The following NLRP1 variants were observed in gnomAD, a reference collection of about 807,000 sequenced individuals.
The protein encoded by NLRP1 is NLR family pyrin domain containing 1.
Under a neutral mutation model 136.7 loss-of-function variants are expected in NLRP1, and 94 were observed. The ratio of observed to expected loss-of-function variants is 0.69; its 90% CI spans 0.58 to 0.82. NLRP1 has a LOEUF of 0.82. Among genes scored for constraint, NLRP1 ranks in the 40% least tolerant of loss-of-function variants. The pLI, the probability that NLRP1 is intolerant of heterozygous loss-of-function variation, is 0.00. For missense variants in NLRP1, 1,575 were observed against 1,802.7 expected (o/e 0.87, Z 2.29); for synonymous variants, 690 against 725.1 (o/e 0.95, Z 0.78).
intron 3 of NLRP1, among the ~76,000 whole-genome samples, chr17:5,580,335 G>A (rs761654199): frequency 6.6e-6 from 1 of 152,074 alleles, no homozygotes; most frequent in Non-Finnish European, 1.5e-5. Flanking sequence ...TTACCTGGGC[G>A]ACAAGATAAT....
Position 5,515,192 on chromosome 17 carries a change from G to GTCC in NLRP1, c.4103-122_4103-120dup, listed in dbSNP as rs1479509857. ...CTTCTGCCTCCAGAAATGCACCTGT[G>GTCC]TCCTCCCTCATGGCAGCATCTAGCT... On this transcript the variant is annotated intron_variant, in intron 16 of 16. Coordinates refer to ENST00000572272, the MANE Select transcript of NLRP1 (RefSeq NM_033004.4). 1.4e-5 allele frequency: 14 copies of GTCC among 988,926 alleles called. No individual in the cohort carries two copies. In the South Asian group the frequency reaches 1.9e-4, roughly 13 times the overall value. The allele number at this position is 988,926 out of a possible 1,614,324, so 61.3% of individuals were successfully genotyped here.
Position 5,521,675 on chromosome 17 carries a change from C to T in NLRP1, c.3632G>A (p.Ser1211Asn), listed in dbSNP as rs79551629. Residue 1211 changes from serine to asparagine, a missense_variant, in exon 13 of 17, where the codon AGC becomes AAC. Ser to Asn is a conservative substitution (Grantham distance 46, BLOSUM62 1). Coordinates refer to ENST00000572272, the MANE Select transcript of NLRP1 (RefSeq NM_033004.4). ...CAGGAGGACTCCCAAGGGGGAGAAG[C>T]TGGGGTTTTCCAGAACTATGTGATG... ...ELHHIVLENP[S>N]FSPLGVLLKM... The T allele has an allele frequency of 1.2e-6, 2 of 1,613,932 alleles. No individual in the cohort carries two copies. The highest frequency in any genetic ancestry group is 1.7e-6 in the Non-Finnish European group (2 of 1,180,016).
At chr17:5,577,915 T>G (rs920903552) in intron 3 of NLRP1, among the ~76,000 whole-genome samples, 1 of 152,138 alleles carries the variant, frequency 6.6e-6, no homozygotes, top group Non-Finnish European at 1.5e-5. Context: ...AACAGAGATA[T>G]AGACCAATGG....
At chr17:5,567,632 G>A (rs1291247266) in intron 3 of NLRP1, among the ~76,000 whole-genome samples, 2 of 151,980 alleles carry the variant, frequency 1.3e-5, no homozygotes, top group African/African-American at 4.8e-5. Context: ...AATATTCTGT[G>A]TTTTTCGGTG....
Position 5,541,222 on chromosome 17 carries a change from T to C in NLRP1, c.2699+635A>G, listed in dbSNP as rs1911824609. ...CATCACGCCTGGCTACTTTGTGTAG[T>C]TTTAGTAGAGACAAGGTTTCACCAT... On this transcript the variant is annotated intron_variant, in intron 6 of 16. Transcript: ENST00000572272. This position sits in a 1 kb window ranked among gnomAD's most constrained non-coding sequence, Gnocchi z 4.2. Among the ~76,000 whole-genome samples, 1 of 152,010 alleles carries C rather than the reference T, an allele frequency of 6.6e-6. No homozygotes were observed. The highest frequency in any genetic ancestry group is 1.5e-5 in the Non-Finnish European group (1 of 67,980).
chr17:5,553,375 G>GCC lies in NLRP1; in HGVS notation c.2528+9_2528+10dup. Reference sequence around the variant, plus strand: ...ATCCCTGCTTCAGAACAGAACCCAGGCCAGACTCACCGCAGGGTCTCCAGG... The same window carrying GCC: ...ATCCCTGCTTCAGAACAGAACCCAGGCCCCAGACTCACCGCAGGGTCTCCAGG... On this transcript the variant is annotated intron_variant, in intron 5 of 16. Transcript: ENST00000572272. 6.2e-7 allele frequency: 1 copy of GCC among 1,607,464 alleles called. No homozygotes were observed. Among genetic ancestry groups the GCC allele is most frequent in the South Asian group, 1.1e-5 (1 of 90,478 alleles).
intron 3 of NLRP1, among the ~76,000 whole-genome samples, chr17:5,573,162 G>C (rs1904609818): frequency 6.6e-6 from 1 of 152,208 alleles, no homozygotes; most frequent in African/African-American, 2.4e-5. Flanking sequence ...GGCACACCAG[G>C]AGATTATATC....
intron 3 of NLRP1, among the ~76,000 whole-genome samples, chr17:5,577,325 C>T (rs1276419440): frequency 6.6e-6 from 1 of 152,154 alleles, no homozygotes; most frequent in South Asian, 2.1e-4. Context: ...GTCAAATTGT[C>T]CCTGTTTGCA....
At chr17:5,509,564 C>G (rs895823522), downstream of NLRP1, among the ~76,000 whole-genome samples, 5 of 152,180 alleles carry the variant, frequency 3.3e-5, no homozygotes, top group African/African-American at 1.2e-4. Flanking sequence ...TGGAAGCATT[C>G]CATGATTCTT....
At position 5,514,751 on chromosome 17, in the gene NLRP1, A is replaced by C; in HGVS notation, c.*3T>G. Reference sequence around the variant, plus strand: ...TCAAGGGTCAAGGGCTGGTGTTGATACTTCAGCTGCTGAGTGGCAGGAGTC... The same window carrying C: ...TCAAGGGTCAAGGGCTGGTGTTGATCCTTCAGCTGCTGAGTGGCAGGAGTC... On this transcript the variant is annotated 3_prime_UTR_variant, in exon 17 of 17. Transcript: ENST00000572272. The C allele has an allele frequency of 6.2e-7, 1 of 1,613,872 alleles. No homozygotes were observed. The highest frequency in any genetic ancestry group is 8.5e-7 in the Non-Finnish European group (1 of 1,179,760).
rs766027694 is a variant in NLRP1 at position 5,537,193 on chromosome 17, G to T, written c.2871-253C>A. On this transcript the variant is annotated intron_variant, in intron 7 of 16. Coordinates refer to ENST00000572272, the MANE Select transcript of NLRP1 (RefSeq NM_033004.4). The surrounding 1 kb of genome is among the most constrained non-coding windows in gnomAD (Gnocchi z 4.5). ...GAGGCAGTCTCCAATGGAGGCCTCA[G>T]CCAACTCTGGGAGATGATCCTTTAG... 3.5e-4 allele frequency among the ~76,000 whole-genome samples: 54 copies of T among 152,246 alleles called. No homozygotes were observed. The highest frequency in any genetic ancestry group is 6.3e-4 in the Non-Finnish European group (43 of 68,030).
downstream of NLRP1, among the ~76,000 whole-genome samples, chr17:5,510,167 A>G (rs1597387435): frequency 6.6e-6 from 1 of 150,756 alleles, no homozygotes; most frequent in East Asian, 2.0e-4. Flanking sequence ...TCAGCCTCCC[A>G]AAGTGCTAGG....
intron 3 of NLRP1, among the ~76,000 whole-genome samples, chr17:5,561,936 C>G (rs1053051197): frequency 2.0e-5 from 3 of 152,198 alleles, no homozygotes; most frequent in Admixed American, 6.5e-5. Flanking sequence ...GAGAAACACT[C>G]TGAAGGCAGG....
chr17:5,531,173 A>ATCTATCTATCT (rs1555543821), intron 11 of NLRP1, among the ~76,000 whole-genome samples: 9 of 141,480 alleles, frequency 6.4e-5, no homozygotes, highest in Admixed American at 2.9e-4. Context: ...TAATCTATCT[A>ATCTATCTATCT]ATCTATCTAT....
At chr17:5,576,180 T>A (rs1284754614) in intron 3 of NLRP1, among the ~76,000 whole-genome samples, 1 of 152,086 alleles carries the variant, frequency 6.6e-6, no homozygotes, top group Non-Finnish European at 1.5e-5. Context: ...GCAGGAAAGA[T>A]CTAAAATTGA....
chr17:5,542,004 G>T lies in NLRP1; in HGVS notation c.2552C>A (p.Ala851Asp), dbSNP rs1292294705. ...TLRLAGCGLT[A>D]EDCKDLAFGL... ...AAAGGCAAGGTCCTTGCAGTCCTCA[G>T]CTGTGAGGCCACAGCCAGCCAACCT... is the stretch of plus-strand genomic sequence containing the variant. The change falls in exon 6 of 17, where the codon GCT becomes GAT. Residue 851 changes from alanine (A) to aspartate (D), a missense_variant. Transcript: ENST00000572272. 1 of 1,613,736 alleles carries T rather than the reference G, an allele frequency of 6.2e-7. No individual in the cohort carries two copies. The highest frequency in any genetic ancestry group is 8.5e-7 in the Non-Finnish European group (1 of 1,179,876).
At chr17:5,532,781 G>C in intron 11 of NLRP1, 41 bp downstream of exon 11, 1 of 1,539,556 alleles carries the variant, frequency 6.5e-7, no homozygotes. Flanking sequence ...GCAGTGGGGT[G>C]CGGGAGGCCA....
At chr17:5,580,890 G>T (rs918899077) in intron 3 of NLRP1, among the ~76,000 whole-genome samples, 1 of 152,148 alleles carries the variant, frequency 6.6e-6, no homozygotes, top group African/African-American at 2.4e-5. Context: ...TAACTCGAAT[G>T]TTGATCTTTC....
intron 15 of NLRP1, chr17:5,502,794 T>A (rs533138704): frequency 6.6e-6 from 1 of 152,118 alleles, no homozygotes; most frequent in African/African-American, 2.4e-5. Context: ...CATGGAGGGG[T>A]GTGAAGGGTG....
Sources: gnomAD v4.1 joint callset for allele counts (sites outside exome capture counted in the v4.1 genomes callset) on GRCh38, gnomAD v4.1.1 for gene constraint, Gnocchi (gnomAD v3.1) non-coding constraint, MANE v1.5 for transcripts, NCBI Gene and HGNC (gene_info 2026-07-23, HGNC 2026-07-21) for gene names.